TTC23L: variants seen among roughly 807,000 people sequenced by gnomAD.
TTC23L encodes the protein tetratricopeptide repeat protein 23-like.
Under a neutral mutation model 48.1 loss-of-function variants are expected in TTC23L, and 42 were observed. The observed-to-expected ratio is 0.87, with a 90% CI of 0.68 to 1.13. The LOEUF (loss-of-function observed/expected upper bound fraction) is 1.13, where lower values mean the gene tolerates loss of function less well. Ranked by LOEUF, TTC23L falls within the 50% of genes most tolerant of loss-of-function variation. TTC23L has a pLI of 0.00. For missense variants in TTC23L, 391 were observed against 421.0 expected (o/e 0.93, Z 0.62); for synonymous variants, 159 against 157.2 (o/e 1.01, Z -0.09).
chr5:34,896,156 T>C (rs1249254425), intron 9 of TTC23L, among the ~76,000 whole-genome samples: 1 of 152,202 alleles, frequency 6.6e-6, no homozygotes, highest in African/African-American at 2.4e-5. Context: ...CAAGGGCTGC[T>C]AAGCCACAGT....
At chr5:34,892,810 G>C (rs1202001059) in intron 9 of TTC23L, among the ~76,000 whole-genome samples, 2 of 152,160 alleles carry the variant, frequency 1.3e-5, no homozygotes, top group Non-Finnish European at 2.9e-5. Flanking sequence ...AGTGGTTGTA[G>C]TTTAAGGTAC....
chr5:34,865,870 C>T (rs1008226324), intron 6 of TTC23L, among the ~76,000 whole-genome samples: 26 of 152,144 alleles, frequency 1.7e-4, no homozygotes, highest in African/African-American at 6.3e-4. Flanking sequence ...TTTAATTCAA[C>T]TTAGGAATAC....
At chr5:34,915,815 C>T in the TTC23L span, 2 of 1,579,022 alleles carry the variant, frequency 1.3e-6, no homozygotes, top group African/African-American at 1.3e-5. Context: ...GAAATAGATG[C>T]GGAGCCGCCA....
chr5:34,924,659 G>T, the TTC23L span, among the ~76,000 whole-genome samples: 157 of 152,168 alleles, frequency 1.0e-3, 5 homozygotes, highest in South Asian at 0.031. Context: ...ATTTTTCCAT[G>T]ACAACTTCCT....
chr5:34,897,771 G>C (rs1763324091), intron 10 of TTC23L, among the ~76,000 whole-genome samples: 2 of 152,166 alleles, frequency 1.3e-5, no homozygotes, highest in African/African-American at 4.8e-5. Context: ...GAAAGCAAAG[G>C]GTGTAGTGTA....
At chr5:34,855,436 C>G (rs1760045210) in intron 4 of TTC23L, among the ~76,000 whole-genome samples, 1 of 152,182 alleles carries the variant, frequency 6.6e-6, no homozygotes, top group South Asian at 2.1e-4. Context: ...GAAGCCATCT[C>G]AGTCATCTAG....
chr5:34,846,657 ATATGTGTGTATGTGTGTG>A (rs1254723622), intron 3 of TTC23L, among the ~76,000 whole-genome samples: 2 of 100,270 alleles, frequency 2.0e-5, no homozygotes, highest in African/African-American at 7.1e-5. Context: ...ACAAATACAT[ATATGTGTGTATGTGTGTG>A]TGTGTGTGTG....
intron 5 of TTC23L, 53 bp from the exon 6 acceptor site, chr5:34,864,384 C>T: frequency 6.3e-7 from 1 of 1,598,922 alleles, no homozygotes; most frequent in Non-Finnish European, 8.5e-7. Context: ...ACCTGCTGTC[C>T]CTGTGCAGTG....
At chr5:34,911,685 A>C in the TTC23L span, 1 of 1,614,144 alleles carries the variant, frequency 6.2e-7, no homozygotes, top group Non-Finnish European at 8.5e-7. Context: ...TGCAGAAATC[A>C]AAGTCCAGGG....
At chr5:34,923,078 A>G in the TTC23L span, 2 of 1,576,936 alleles carry the variant, frequency 1.3e-6, no homozygotes, top group Non-Finnish European at 1.7e-6. Context: ...TTAGCTATCC[A>G]AAATATACAT....
At chr5:34,846,689 G>A (rs1759226069) in intron 3 of TTC23L, among the ~76,000 whole-genome samples, 1 of 114,598 alleles carries the variant, frequency 8.7e-6, no homozygotes, top group South Asian at 3.5e-4. Context: ...GTGTGTGTGT[G>A]TGTGTGTGTG....
At chr5:34,874,036 TTATC>T (rs1410383105) in intron 8 of TTC23L, among the ~76,000 whole-genome samples, 2 of 152,092 alleles carry the variant, frequency 1.3e-5, no homozygotes, top group African/African-American at 2.4e-5. Flanking sequence ...AGTCATCACT[TTATC>T]CAAACAACAA....
At chr5:34,850,264 C>T in exon 4 of TTC23L, 4 of 1,613,926 alleles carry the variant, frequency 2.5e-6, no homozygotes, top group Non-Finnish European at 3.4e-6. Context: ...TGGAAATGTG[C>T]ACGAGCTCTG....
chr5:34,918,572 C>T, the TTC23L span: 237 of 688,324 alleles, frequency 3.4e-4, no homozygotes, highest in African/African-American at 4.2e-3. Context: ...GTTCAGTGTT[C>T]TCACGAAAAA....
chr5:34,893,520 A>C (rs992408945), intron 9 of TTC23L, among the ~76,000 whole-genome samples: 1 of 152,302 alleles, frequency 6.6e-6, no homozygotes, highest in Middle Eastern at 3.4e-3. Flanking sequence ...TATTTCAGAG[A>C]GAATATAATA....
chr5:34,856,769 A>C (rs16868533), intron 4 of TTC23L, among the ~76,000 whole-genome samples: 49,733 of 152,104 alleles, frequency 0.33, 9,820 homozygotes, highest in South Asian at 0.45. Context: ...CTTGGGAGCC[A>C]AACAGGTAAG....
At chr5:34,896,102 C>T (rs1425333345) in intron 9 of TTC23L, among the ~76,000 whole-genome samples, 1 of 152,178 alleles carries the variant, frequency 6.6e-6, no homozygotes, top group African/African-American at 2.4e-5. Flanking sequence ...AGTGAAAACT[C>T]AGAAGCCTTT....
At chr5:34,903,477 A>T (rs1406890626), downstream of TTC23L, among the ~76,000 whole-genome samples, 1 of 152,044 alleles carries the variant, frequency 6.6e-6, no homozygotes, top group African/African-American at 2.4e-5. Context: ...ACACTGACAC[A>T]GCATTATTAC....
chr5:34,896,854 G>C, exon 10 of TTC23L: 1 of 728,182 alleles, frequency 1.4e-6, no homozygotes. Context: ...AAGCATGACA[G>C]AGGGCAGTGT....
Sources: gnomAD v4.1 joint callset for allele counts (sites outside exome capture counted in the v4.1 genomes callset) on GRCh38, gnomAD v4.1.1 for gene constraint, MANE v1.5 for transcripts, NCBI Gene and HGNC (gene_info 2026-07-23, HGNC 2026-07-21) for gene names.